PDE4D: variants seen among roughly 807,000 people sequenced by gnomAD.
PDE4D encodes the protein 3',5'-cyclic-AMP phosphodiesterase 4D.
In PDE4D, 24 loss-of-function variants were observed where a neutral mutation model predicts 87.4. The ratio of observed to expected loss-of-function variants is 0.27; its 90% CI spans 0.20 to 0.39. The LOEUF (loss-of-function observed/expected upper bound fraction) is 0.39. PDE4D is among the 10% of genes least tolerant of loss of function. The pLI is 1.00. For missense variants in PDE4D, 714 were observed against 1,041.0 expected (o/e 0.69, Z 4.32); for synonymous variants, 384 against 383.2 (o/e 1.00, Z -0.02).
intron 1 of PDE4D, among the ~76,000 whole-genome samples, chr5:59,849,136 C>A (rs1276796404): frequency 6.6e-6 from 1 of 151,742 alleles, no homozygotes; most frequent in Non-Finnish European, 1.5e-5. Context: ...TGTCTTTTTG[C>A]AGTAGGCAGG....
chr5:59,627,775 C>T (rs298045), intron 1 of PDE4D, among the ~76,000 whole-genome samples: 119,530 of 152,150 alleles, frequency 0.79, 47,010 homozygotes, highest in South Asian at 0.91. Context: ...TTGGTTACTT[C>T]CTGAGCATAA....
chr5:59,531,928 C>T (rs902086209), intron 1 of PDE4D, among the ~76,000 whole-genome samples: 6 of 152,140 alleles, frequency 3.9e-5, no homozygotes, highest in African/African-American at 1.4e-4. Flanking sequence ...TGCCTATATT[C>T]ATTGGAATGT....
chr5:59,231,093 A>G (rs1755082832), intron 1 of PDE4D, among the ~76,000 whole-genome samples: 1 of 152,206 alleles, frequency 6.6e-6, no homozygotes, highest in Non-Finnish European at 1.5e-5. Context: ...ATGGTTACAA[A>G]TTATCTTTTA....
chr5:59,448,379 C>T (rs189462856), intron 1 of PDE4D, among the ~76,000 whole-genome samples: 1 of 152,280 alleles, frequency 6.6e-6, no homozygotes, highest in East Asian at 1.9e-4. Context: ...TGTCTCTTCC[C>T]ATTGTTACTC....
chr5:59,724,907 C>G (rs1756377579), intron 1 of PDE4D, among the ~76,000 whole-genome samples: 1 of 152,086 alleles, frequency 6.6e-6, no homozygotes, highest in African/African-American at 2.4e-5. Context: ...AATTTTAAAA[C>G]CTAAGTCAAA....
chr5:59,845,605 G>A (rs1291124615), intron 1 of PDE4D, among the ~76,000 whole-genome samples: 1 of 152,056 alleles, frequency 6.6e-6, no homozygotes, highest in African/African-American at 2.4e-5. Flanking sequence ...AACACAAGAC[G>A]TGGCTGGAAC....
chr5:59,447,413 G>A (rs1168166596), intron 1 of PDE4D, among the ~76,000 whole-genome samples: 1 of 152,154 alleles, frequency 6.6e-6, no homozygotes, highest in Non-Finnish European at 1.5e-5. Context: ...ACACTTTTTA[G>A]GGTGTCCATT....
At chr5:59,991,519 T>C (rs1763004847) in intron 2 of PDE4D, among the ~76,000 whole-genome samples, 1 of 152,114 alleles carries the variant, frequency 6.6e-6, no homozygotes, top group Non-Finnish European at 1.5e-5. Flanking sequence ...CAAATTTCTA[T>C]AATAACCTGT....
rs550288263 is a variant in PDE4D at position 60,436,668 on chromosome 5, C to T, written c.-90+51274G>A. On this transcript the variant is annotated intron_variant, in intron 1 of 16. Coordinates refer to the PDE4D transcript ENST00000502484. ...TGCCTAAGCTACTTGCAGGTGGCAA[C>T]CATTATTCATACATGTTTAGAAGCA... is the stretch of plus-strand genomic sequence containing the variant. Among the ~76,000 whole-genome samples, 12 of 152,142 alleles carry T rather than the reference C, an allele frequency of 7.9e-5. No homozygotes were observed. In the South Asian group the frequency reaches 1.2e-3, roughly 16 times the overall value.
At chr5:59,509,755 C>T (rs908194765) in intron 1 of PDE4D, among the ~76,000 whole-genome samples, 2 of 149,072 alleles carry the variant, frequency 1.3e-5, no homozygotes, top group Admixed American at 6.7e-5. Context: ...CCAGAAAAGA[C>T]GTGAAAAGAA....
intron 5 of PDE4D, among the ~76,000 whole-genome samples, chr5:59,090,749 G>A (rs987970794): frequency 9.3e-5 from 14 of 151,030 alleles, no homozygotes; most frequent in African/African-American, 2.7e-4. Context: ...AGTCTCAGAC[G>A]GGACCTTCGT....
At chr5:60,168,544 T>A (rs1783136523) in intron 2 of PDE4D, among the ~76,000 whole-genome samples, 1 of 152,202 alleles carries the variant, frequency 6.6e-6, no homozygotes, top group African/African-American at 2.4e-5. Flanking sequence ...TATATAGTTG[T>A]CCCTTGGTAT....
chr5:60,108,247 C>T (rs541898356), intron 2 of PDE4D, among the ~76,000 whole-genome samples: 8 of 151,628 alleles, frequency 5.3e-5, no homozygotes, highest in South Asian at 2.1e-4. Context: ...CATGAGTGAA[C>T]TCCCATTCAC....
chr5:59,399,461 G>A (rs1186483725), intron 1 of PDE4D, among the ~76,000 whole-genome samples: 6 of 137,530 alleles, frequency 4.4e-5, no homozygotes, highest in Non-Finnish European at 9.9e-5. Flanking sequence ...TGACAAACCT[G>A]AGAAAAACAA....
At chr5:59,914,868 T>G (rs185160072) in intron 3 of PDE4D, among the ~76,000 whole-genome samples, 32 of 32,578 alleles carry the variant, frequency 9.8e-4, no homozygotes, top group East Asian at 6.6e-3. Flanking sequence ...CTGATAGGGG[T>G]GTGTGTGTGT....
At chr5:59,125,291 C>T (rs1351737807) in intron 5 of PDE4D, 1 of 984,492 alleles carries the variant, frequency 1.0e-6, no homozygotes, top group Non-Finnish European at 1.2e-6. Flanking sequence ...TCAACTATTC[C>T]AGGTCCATGG....
chr5:59,034,017 G>A (rs544199634), intron 6 of PDE4D, among the ~76,000 whole-genome samples: 113 of 152,016 alleles, frequency 7.4e-4, no homozygotes, highest in South Asian at 2.5e-3. Flanking sequence ...TAACATCAAG[G>A]GCTCTACTTT....
At position 58,975,958 on chromosome 5, in the gene PDE4D, GATTT is replaced by G. The variant is rs1409738710; in HGVS notation, c.1831-123_1831-120del. 1.3e-6 allele frequency: 1 copy of G among 742,520 alleles called. No individual in the cohort carries two copies. Among genetic ancestry groups the G allele is most frequent in the Non-Finnish European group, 2.0e-6 (1 of 492,980 alleles). The allele number at this position is 742,520 out of a possible 1,614,324, so 46.0% of individuals were successfully genotyped here. Reference sequence around the variant, plus strand: ...ACACTTAAAAATACACGTAGTGTAAGATTTATTCCAAACAGCTCAACCATGATGT... The same window carrying G: ...ACACTTAAAAATACACGTAGTGTAAGATTCCAAACAGCTCAACCATGATGT... On this transcript the variant is annotated intron_variant, in intron 13 of 14. Coordinates refer to ENST00000340635, the MANE Select transcript of PDE4D (RefSeq NM_001104631.2). The surrounding 1 kb of genome is among the most constrained non-coding windows in gnomAD (Gnocchi z 4.2).
At chr5:59,246,883 C>A (rs1203660254) in intron 1 of PDE4D, among the ~76,000 whole-genome samples, 4 of 152,034 alleles carry the variant, frequency 2.6e-5, no homozygotes, top group Non-Finnish European at 4.4e-5. Context: ...ATATTTATAA[C>A]CCTCAAATAC....
Sources: gnomAD v4.1 joint callset for allele counts (sites outside exome capture counted in the v4.1 genomes callset) on GRCh38, gnomAD v4.1.1 for gene constraint, Gnocchi (gnomAD v3.1) non-coding constraint, MANE v1.5 for transcripts, NCBI Gene and HGNC (gene_info 2026-07-23, HGNC 2026-07-21) for gene names.